HELZ2: variants seen among roughly 807,000 people sequenced by gnomAD.
HELZ2 encodes the protein helicase with zinc finger 2.
Under a neutral mutation model 208.8 loss-of-function variants are expected in HELZ2, and 143 were observed. That is an observed-to-expected ratio of 0.68 (90% CI 0.60 to 0.79). HELZ2 has a LOEUF of 0.79. Ranked by LOEUF, HELZ2 falls within the 30% of genes least tolerant of loss-of-function variation. The pLI, the probability that HELZ2 is intolerant of heterozygous loss-of-function variation, is 0.00. For missense variants in HELZ2, 3,690 were observed against 3,794.5 expected, an observed-to-expected ratio of 0.97 and a Z score of 0.72; for synonymous variants, 1,705 against 1,693.7, an observed-to-expected ratio of 1.01 and a Z score of -0.16.
chr20:63,567,127 CG>C lies in HELZ2; in HGVS notation c.2230del (p.Arg744AlafsTer56). The C allele has an allele frequency of 6.2e-7, 1 of 1,611,340 alleles. No homozygotes were observed. Among genetic ancestry groups the C allele is most frequent in the Non-Finnish European group, 8.5e-7 (1 of 1,179,976 alleles). ...GAAGCTGACAATGGCGTCCGTGCAG[CG>C]GTAGTTCTCGTGGAAGACCAGGCGG... On this transcript the variant is annotated frameshift_variant, in exon 6 of 19. Coordinates refer to ENST00000467148, the Ensembl canonical transcript of HELZ2. LOFTEE classifies it high-confidence loss of function.
exon 8 of HELZ2, chr20:63,564,180 T>C (rs2082921568): frequency 6.2e-7 from 1 of 1,611,682 alleles, no homozygotes; most frequent in East Asian, 2.2e-5. Context: ...GGCGTGACCG[T>C]CCGCGTGCAC....
chr20:63,569,983 CT>C (rs2083001680), intron 3 of HELZ2: 2 of 493,344 alleles, frequency 4.1e-6, no homozygotes, highest in East Asian at 7.4e-5. Flanking sequence ...GAGTTTCACT[CT>C]TGTCGCCAGG....
chr20:63,566,730 C>A (rs2082963757), intron 6 of HELZ2, 114 bp downstream of exon 7: 1 of 1,079,394 alleles, frequency 9.3e-7, no homozygotes, highest in African/African-American at 1.6e-5. Flanking sequence ...GCAAATACTG[C>A]AGCCCCCTCT....
At chr20:63,568,325 G>A (rs6062970) in intron 5 of HELZ2, 33 bp downstream of exon 6, 1 of 1,527,148 alleles carries the variant, frequency 6.5e-7, no homozygotes, top group Non-Finnish European at 9.0e-7. Flanking sequence ...CCGGGCGTCA[G>A]GTGAGGTGGG....
rs1402036967 is a variant in HELZ2, at chr20:63,572,144, G to A, written c.242C>T (p.Pro81Leu). Reference sequence around the variant, plus strand: ...CTCGAACTTGGAGAGTCCCGGGGGTGGGGAACGGTGCTCCCAGGGCAGGGC... The same window carrying A: ...CTCGAACTTGGAGAGTCCCGGGGGTAGGGAACGGTGCTCCCAGGGCAGGGC... Residue 81 changes from proline to leucine, a missense_variant, in exon 1 of 19, where the codon CCA becomes CTA. Physicochemically the swap from Pro to Leu is moderately conservative, Grantham distance 98. Transcript: ENST00000467148. The A allele has an allele frequency of 1.2e-6, 2 of 1,611,512 alleles. No homozygotes were observed. The highest frequency in any genetic ancestry group is 4.5e-5 in the East Asian group (2 of 44,842).
In HELZ2 at chr20:63,564,829, G is replaced by A. The variant is rs3810488; in HGVS notation, c.3993C>T (p.Ala1331=). 2,360 of 1,609,650 alleles carry A rather than the reference G, an allele frequency of 1.5e-3. 27 individuals are homozygous for A. In the African/African-American group the frequency reaches 0.022, roughly 15 times the overall value. The stretch of plus-strand genomic sequence containing the variant: ...AGGCGCGGCAGTCCTCTCGGCGGCC[G>A]GCAACCCGGCCAAGCTCCGTGTGGT... The change falls in exon 8 of 19, where the codon GCC becomes GCT. Residue 1331 remains alanine (A), a synonymous_variant. Transcript: ENST00000467148.
intron 5 of HELZ2, 120 bp from the exon 7 acceptor site, chr20:63,567,747 G>A (rs422888): frequency 0.59 from 873,373 of 1,468,902 alleles, 264,124 homozygotes; most frequent in Admixed American, 0.66. Flanking sequence ...GGCTGTCAGA[G>A]GTGAGCAGCA....
rs370553437 is a variant in HELZ2 at position 63,572,226 on chromosome 20, C to A, written c.160G>T (p.Ala54Ser). ...GAGGATGCGCAGTGGTTCTCGAAGG[C>A]CTCCTGAGAGTGGCAGGTGACCAAG... The change falls in exon 1 of 19, where the codon GCC (alanine) becomes TCC (serine). Residue 54 changes from alanine (A) to serine (S), a missense_variant. Around this residue, in one of 3 missense-constraint regions of HELZ2, gnomAD observed 1,119 missense variants for 1,193.4 expected, o/e 0.94. Coordinates refer to ENST00000467148, the Ensembl canonical transcript of HELZ2. 2.2e-4 allele frequency: 360 copies of A among 1,602,126 alleles called. No homozygotes were observed. The highest frequency in any genetic ancestry group is 3.0e-4 in the Non-Finnish European group (349 of 1,175,430).
chr20:63,572,193 C>T (rs374328737), exon 1 of HELZ2: 261 of 1,607,974 alleles, frequency 1.6e-4, no homozygotes, highest in East Asian at 4.0e-4. Context: ...ACCATCTGTG[C>T]GTGCTCCGAG....
exon 6 of HELZ2, chr20:63,567,578 C>T (rs1055256613): frequency 3.1e-6 from 5 of 1,589,602 alleles, no homozygotes; most frequent in African/African-American, 2.7e-5. Flanking sequence ...TCGGGGTGGC[C>T]GCCGCTGACG....
At chr20:63,559,885 T>C (rs757262898) in intron 18 of HELZ2, 43 bp downstream of exon 19, 25 of 1,595,064 alleles carry the variant, frequency 1.6e-5, no homozygotes, top group Non-Finnish European at 2.0e-5. Context: ...AGCCCTGGCC[T>C]CACCTGTGTT....
At chr20:63,567,794 A>C in intron 5 of HELZ2, 167 bp from the exon 7 acceptor site, 1 of 1,431,406 alleles carries the variant, frequency 7.0e-7, no homozygotes, top group Non-Finnish European at 9.2e-7. Context: ...TCCAAGGGGC[A>C]AGAGGCCACG....
In HELZ2 at chr20:63,569,161, G is replaced by A. The variant is rs1600983268; in HGVS notation, c.1075C>T (p.Gln359Ter). ...CCCCCAGCTCACTTGGCCACCAGCT[G>A]CTGCTGAGCCGCCTCCTCCTCATAG... Residue 359 changes from glutamine to a stop codon, truncating the protein, a stop_gained, in exon 4 of 19, where the codon CAG (glutamine) becomes TAG (stop). Transcript: ENST00000467148. LOFTEE classifies it high-confidence loss of function. 2.6e-6 allele frequency: 4 copies of A among 1,553,796 alleles called. No individual in the cohort carries two copies. The highest frequency in any genetic ancestry group is 1.2e-5 in the South Asian group (1 of 82,136).
exon 13 of HELZ2, chr20:63,561,412 T>C (rs974932857): frequency 6.2e-7 from 1 of 1,612,696 alleles, no homozygotes; most frequent in African/African-American, 1.3e-5. Flanking sequence ...AGGCCTTGAT[T>C]TCCGACGAGT....
At chr20:63,570,472 C>T (rs532405296) in intron 3 of HELZ2, 32 bp downstream of exon 4, 2 of 1,578,416 alleles carry the variant, frequency 1.3e-6, no homozygotes, top group Admixed American at 1.7e-5. Flanking sequence ...CCCAGGGCTC[C>T]CTCCGCCCAG....
chr20:63,559,622 A>AGG, intron 18 of HELZ2, among the ~76,000 whole-genome samples: 1 of 54,868 alleles, frequency 1.8e-5, no homozygotes, highest in Admixed American at 1.7e-4. Context: ...GATGGGAGTC[A>AGG]GTCAGAGTCA....
upstream of HELZ2, among the ~76,000 whole-genome samples, chr20:63,573,462 C>T (rs143571794): frequency 5.1e-3 from 779 of 152,252 alleles, 4 homozygotes; most frequent in African/African-American, 0.018. The surrounding 1 kb of genome is among the most constrained non-coding windows in gnomAD (Gnocchi z 4.9). Context: ...CACAGCCAGA[C>T]CCTCCCTCCT....
chr20:63,572,361 G>C, exon 1 of HELZ2: 1 of 1,555,272 alleles, frequency 6.4e-7, no homozygotes, highest in Non-Finnish European at 8.7e-7. Flanking sequence ...AGGCCACCCA[G>C]CTGCTCGGCC....
exon 8 of HELZ2, chr20:63,563,159 C>T (rs2082908871): frequency 1.3e-6 from 2 of 1,591,854 alleles, no homozygotes; most frequent in Non-Finnish European, 1.7e-6. Flanking sequence ...CAGGCTGGTG[C>T]CGAGCTGCAC....
Sources: gnomAD v4.1 joint callset for allele counts (sites outside exome capture counted in the v4.1 genomes callset) on GRCh38, gnomAD v4.1.1 for gene constraint, gnomAD v4.1.1 regional missense constraint, Gnocchi (gnomAD v3.1) non-coding constraint, MANE v1.5 for transcripts, NCBI Gene and HGNC (gene_info 2026-07-23, HGNC 2026-07-21) for gene names.